Variants in ST3GAL5 observed in about 807,000 individuals in gnomAD.
ST3GAL5 encodes lactosylceramide alpha-2,3-sialyltransferase.
Under a neutral mutation model 46.1 loss-of-function variants are expected in ST3GAL5, and 25 were observed. The ratio of observed to expected loss-of-function variants is 0.54; its 90% confidence interval spans 0.40 to 0.76. ST3GAL5 has a LOEUF of 0.76. Among genes scored for constraint, ST3GAL5 ranks in the 30% least tolerant of loss-of-function variants. The pLI is 0.00. For missense variants in ST3GAL5, 431 were observed against 521.2 expected, an observed-to-expected ratio of 0.83 and a Z score of 1.69; for synonymous variants, 182 against 192.7, an observed-to-expected ratio of 0.94 and a Z score of 0.46.
chr2:85,888,548 G>T, intron 1 of ST3GAL5: 1 of 248,810 alleles, frequency 4.0e-6, no homozygotes, highest in Non-Finnish European at 7.6e-6. Context: ...GGCGGGGAAA[G>T]GGCCACTGCG....
At chr2:85,871,038 CTTTTT>C (rs35268429) in intron 1 of ST3GAL5, among the ~76,000 whole-genome samples, 1 of 137,804 alleles carries the variant, frequency 7.3e-6, no homozygotes. Flanking sequence ...AACCATTTAT[CTTTTT>C]TTTTTTTTTT....
intron 1 of ST3GAL5, among the ~76,000 whole-genome samples, chr2:85,885,877 C>T (rs930847781): frequency 4.6e-5 from 7 of 152,066 alleles, no homozygotes; most frequent in Admixed American, 4.6e-4. Flanking sequence ...CCTGTGGCTC[C>T]TAAAACAGCA....
chr2:85,867,698 A>G, intron 1 of ST3GAL5: 1 of 779,008 alleles, frequency 1.3e-6, no homozygotes, highest in Admixed American at 1.7e-5. Flanking sequence ...CCAGGTCTTA[A>G]ATACCATACT....
At chr2:85,847,630 C>A in intron 4 of ST3GAL5, 1 of 1,290,196 alleles carries the variant, frequency 7.8e-7, no homozygotes, top group Non-Finnish European at 9.9e-7. Flanking sequence ...AACCCCATCT[C>A]TACTAAAAAT....
chr2:85,839,521 T>C lies in ST3GAL5; in HGVS notation c.*623A>G, dbSNP rs1681756204. 6.4e-6 allele frequency: 1 copy of C among 155,914 alleles called. No individual in the cohort carries two copies. Among genetic ancestry groups the C allele is most frequent in the Non-Finnish European group, 1.4e-5 (1 of 70,304 alleles). The allele number at this position is 155,914 out of a possible 1,614,324, so 9.7% of individuals were successfully genotyped here. A position where few individuals can be genotyped will look rare whatever the true frequency, so the allele number is the denominator to read the frequency against. ...CTTCACAGTTGTCAGAGGTCACAGA[T>C]TCTATGTCCCTCTCCGACCAGGGAC... On this transcript the variant is annotated 3_prime_UTR_variant, in exon 7 of 7. Transcript: ENST00000638572.
Position 85,840,200 on chromosome 2 carries a change from G to T in ST3GAL5, c.1201C>A (p.Leu401Met), listed in dbSNP as rs375480336. 1.2e-6 allele frequency: 2 copies of T among 1,614,078 alleles called. No individual in the cohort carries two copies. The highest frequency in any genetic ancestry group is 2.7e-5 in the African/African-American group (2 of 74,914). Residue 401 changes from leucine (L) to methionine (M), a missense_variant, in exon 7 of 7, where the codon CTG becomes ATG. By Grantham distance (15) the Leu-to-Met change is conservative. Transcript: ENST00000638572. ...TCTTTCACCACTCCCTCTTTGACCA[G>T]CTTTAAGAGGAACTTGGTTTCCGTT... ...VTTETKFLLK[L>M]VKEGVVKDLS... is the part of the protein sequence containing the mutation.
At position 85,888,963 on chromosome 2, in the gene ST3GAL5, C is replaced by A; in HGVS notation, c.-58G>T. 1 of 1,225,546 alleles carries A rather than the reference C, an allele frequency of 8.2e-7. No individual in the cohort carries two copies. Among genetic ancestry groups the A allele is most frequent in the Non-Finnish European group, 1.0e-6 (1 of 975,706 alleles). 75.9% of individuals were successfully genotyped at this position (1,225,546 alleles called of 1,614,324 possible). Reference sequence around the variant, plus strand: ...CGGTACCCCGCGCCCCCACCCGCCCCCAGCGCCGCTCTCGCGCCCATTCAG... The same window carrying A: ...CGGTACCCCGCGCCCCCACCCGCCCACAGCGCCGCTCTCGCGCCCATTCAG... On this transcript the variant is annotated 5_prime_UTR_variant, in exon 1 of 7. Coordinates refer to ENST00000638572, the MANE Select transcript of ST3GAL5 (RefSeq NM_003896.4).
At chr2:85,849,770 GC>G (rs1683266694) in intron 3 of ST3GAL5, 1 of 151,936 alleles carries the variant, frequency 6.6e-6, no homozygotes, top group African/African-American at 2.4e-5. Flanking sequence ...CTATCTTTGT[GC>G]TTTTTTATCC....
At chr2:85,864,402 G>A (rs773743323) in intron 1 of ST3GAL5, among the ~76,000 whole-genome samples, 2 of 152,080 alleles carry the variant, frequency 1.3e-5, no homozygotes, top group African/African-American at 4.8e-5. Context: ...AAGAACTCAG[G>A]AAGGGGATAA....
chr2:85,872,348 C>T (rs373488396), intron 1 of ST3GAL5, among the ~76,000 whole-genome samples: 15 of 152,050 alleles, frequency 9.9e-5, no homozygotes, highest in Admixed American at 3.3e-4. Flanking sequence ...GTCCACGAGG[C>T]GAGGCAGGCG....
intron 1 of ST3GAL5, among the ~76,000 whole-genome samples, chr2:85,886,931 A>C (rs559003708): frequency 4.6e-4 from 70 of 152,276 alleles, no homozygotes; most frequent in African/African-American, 1.5e-3. Flanking sequence ...GCCCTTCGGG[A>C]GTGATCTCAG....
chr2:85,853,060 T>C, intron 3 of ST3GAL5: 1 of 1,304,254 alleles, frequency 7.7e-7, no homozygotes, highest in Non-Finnish European at 1.0e-6. Context: ...CATAATTAAC[T>C]GCACGCAATG....
At chr2:85,867,892 G>A in intron 1 of ST3GAL5, 1 of 560,580 alleles carries the variant, frequency 1.8e-6, no homozygotes, top group Non-Finnish European at 3.3e-6. Flanking sequence ...CAACATGGCA[G>A]ATTAGCATCC....
chr2:85,849,908 ATATT>A (rs1156560809), intron 3 of ST3GAL5: 2 of 151,086 alleles, frequency 1.3e-5, no homozygotes, highest in Non-Finnish European at 2.9e-5. Context: ...ATTTACTGGG[ATATT>A]TATTAGGAAT....
Position 85,840,154 on chromosome 2 carries a change from C to G in ST3GAL5, c.1247G>C (p.Arg416Pro). The change falls in exon 7 of 7, where the codon CGT (arginine) becomes CCT (proline). Residue 416 changes from arginine to proline, a missense_variant. Arg to Pro is a moderately radical substitution (Grantham distance 103). Coordinates refer to ENST00000638572, the MANE Select transcript of ST3GAL5 (RefSeq NM_003896.4). ...TGAGGTTTTCTGTGTTCAAAATTCA[C>G]GATCAATGCCTCCACTGAGATCTTT... ...VVKDLSGGID[R>P]EF 2.5e-6 allele frequency: 4 copies of G among 1,614,176 alleles called. No homozygotes were observed. The highest frequency in any genetic ancestry group is 3.4e-6 in the Non-Finnish European group (4 of 1,180,034).
At chr2:85,863,875 T>C (rs1428902999) in intron 1 of ST3GAL5, among the ~76,000 whole-genome samples, 3 of 152,096 alleles carry the variant, frequency 2.0e-5, no homozygotes, top group Admixed American at 6.5e-5. Flanking sequence ...GCCAGGCTAA[T>C]TTTTGTATTT....
chr2:85,869,343 C>A lies in ST3GAL5; in HGVS notation c.83-5858G>T, dbSNP rs143569696. 5.5e-3 allele frequency among the ~76,000 whole-genome samples: 830 copies of A among 150,362 alleles called. 6 individuals are homozygous for A. Among genetic ancestry groups the A allele is most frequent in the Admixed American group, 9.0e-3 (135 of 14,992 alleles). The stretch of plus-strand genomic sequence containing the variant: ...TAAGGGCGTGAGCCACCATGCATGG[C>A]CTGGTGGTGCAATTGTGAGTGAGTT... On this transcript the variant is annotated intron_variant, in intron 1 of 6. Transcript: ENST00000638572.
chr2:85,856,553 C>T (rs759195721), intron 3 of ST3GAL5: 25 of 151,884 alleles, frequency 1.6e-4, no homozygotes, highest in Non-Finnish European at 4.4e-5. Context: ...GTGTATTGCA[C>T]AAAATCACTG....
intron 1 of ST3GAL5, among the ~76,000 whole-genome samples, chr2:85,885,745 AACC>A (rs1418250426): frequency 6.6e-6 from 1 of 152,030 alleles, no homozygotes; most frequent in Admixed American, 6.6e-5. Flanking sequence ...GAATGGCGTG[AACC>A]CCGGAGGCGG....
Sources: allele counts gnomAD v4.1 joint callset (sites outside exome capture counted in the v4.1 genomes callset), GRCh38; gene constraint gnomAD v4.1.1; transcripts MANE v1.5; gene names NCBI Gene and HGNC (gene_info 2026-07-23, HGNC 2026-07-21).